The following SEC14L1 variants were observed in gnomAD, a reference collection of about 807,000 sequenced individuals.
The protein encoded by SEC14L1 is SEC14-like protein 1.
Under a neutral mutation model 85.3 loss-of-function variants are expected in SEC14L1, and 48 were observed. That is an observed-to-expected ratio of 0.56 (90% CI 0.45 to 0.72). The LOEUF (loss-of-function observed/expected upper bound fraction) is 0.72, where lower values mean the gene tolerates loss of function less well. SEC14L1 is among the 30% of genes least tolerant of loss of function. The pLI is 0.00. For missense variants in SEC14L1, 682 were observed against 921.4 expected, an observed-to-expected ratio of 0.74 and a Z score of 3.36; for synonymous variants, 391 against 355.5, an observed-to-expected ratio of 1.10 and a Z score of -1.12.
At chr17:77,180,351 C>G (rs1289941074) in intron 3 of SEC14L1, among the ~76,000 whole-genome samples, 1 of 152,110 alleles carries the variant, frequency 6.6e-6, no homozygotes. Context: ...CTTGGCCTCC[C>G]AAAGTGCTGG....
chr17:77,202,130 G>C (rs1316854150), intron 9 of SEC14L1, among the ~76,000 whole-genome samples: 1 of 151,586 alleles, frequency 6.6e-6, no homozygotes, highest in Non-Finnish European at 1.5e-5. Flanking sequence ...CATGATGATA[G>C]GGCAGTATGA....
rs1321557761 is a variant in SEC14L1 at position 77,214,135 on chromosome 17, T to C, written c.*112T>C. 7 of 1,476,968 alleles carry C rather than the reference T, an allele frequency of 4.7e-6. No homozygotes were observed. The highest frequency in any genetic ancestry group is 5.4e-6 in the Non-Finnish European group (6 of 1,116,516). The allele number at this position is 1,476,968 out of a possible 1,614,324, so 91.5% of individuals were successfully genotyped here. On this transcript the variant is annotated 3_prime_UTR_variant, in exon 17 of 17. Transcript: ENST00000436233. The stretch of plus-strand genomic sequence containing the variant: ...TGTACAGACTCCTCTCACCTCTAGA[T>C]AGCAAATAGCTCTCAGATGGTAAAC...
At chr17:77,203,951 G>A (rs1598396161) in intron 10 of SEC14L1, among the ~76,000 whole-genome samples, 1 of 151,930 alleles carries the variant, frequency 6.6e-6, no homozygotes, top group Non-Finnish European at 1.5e-5. Context: ...CTCTTGGGAC[G>A]CCACTCACAG....
chr17:77,174,682 G>T (rs1315732672), intron 3 of SEC14L1, among the ~76,000 whole-genome samples: 1 of 152,190 alleles, frequency 6.6e-6, no homozygotes, highest in Non-Finnish European at 1.5e-5. Flanking sequence ...CCTCACGAGT[G>T]AGGACTGGAG....
intron 3 of SEC14L1, among the ~76,000 whole-genome samples, chr17:77,150,494 G>A (rs1043217331): frequency 6.6e-6 from 1 of 152,182 alleles, no homozygotes; most frequent in African/African-American, 2.4e-5. Flanking sequence ...GATCAAATAG[G>A]CATTTATATT....
chr17:77,120,405 C>T (rs1176859666), intron 3 of SEC14L1, among the ~76,000 whole-genome samples: 4 of 151,812 alleles, frequency 2.6e-5, no homozygotes, highest in Non-Finnish European at 5.9e-5. Context: ...TGTGTGTCTG[C>T]GTGTTCTACT....
chr17:77,194,604 G>T, intron 6 of SEC14L1, 73 bp from the exon 7 acceptor site: 2 of 1,232,718 alleles, frequency 1.6e-6, no homozygotes, highest in Non-Finnish European at 2.3e-6. Flanking sequence ...TAGAAAAAAA[G>T]AAAAATCTTG....
intron 3 of SEC14L1, among the ~76,000 whole-genome samples, chr17:77,181,886 T>C (rs1340756673): frequency 6.6e-6 from 1 of 152,114 alleles, no homozygotes; most frequent in Non-Finnish European, 1.5e-5. Flanking sequence ...GGGACTTTGG[T>C]CAGTTTGCCA....
At chr17:77,089,208 C>G (rs1255045192) in exon 2 of SEC14L1, 16 of 341,104 alleles carry the variant, frequency 4.7e-5, no homozygotes, top group Non-Finnish European at 9.3e-5. Context: ...CATGCAGCAA[C>G]CACTATTTTC....
intron 3 of SEC14L1, among the ~76,000 whole-genome samples, chr17:77,158,881 G>A (rs1355592289): frequency 1.7e-5 from 2 of 116,658 alleles, no homozygotes; most frequent in African/African-American, 3.3e-5. Context: ...GCACGATCTC[G>A]ACTCACTGCA....
At chr17:77,127,727 T>A (rs554150612) in intron 3 of SEC14L1, 1 of 152,292 alleles carries the variant, frequency 6.6e-6, no homozygotes, top group Admixed American at 6.5e-5. Context: ...TAACCCCTGG[T>A]ACCTGTGAAG....
At chr17:77,104,298 A>G (rs1173118953) in intron 3 of SEC14L1, among the ~76,000 whole-genome samples, 1 of 149,204 alleles carries the variant, frequency 6.7e-6, no homozygotes, top group African/African-American at 2.5e-5. Flanking sequence ...TAATTTTTGT[A>G]TTTTTAGTAG....
chr17:77,164,093 C>G (rs1974184124), intron 3 of SEC14L1, among the ~76,000 whole-genome samples: 1 of 152,208 alleles, frequency 6.6e-6, no homozygotes, highest in South Asian at 2.1e-4. Context: ...TAGGCTCTTT[C>G]ATCCCACTTT....
chr17:77,165,362 T>C (rs1417612938), intron 3 of SEC14L1, among the ~76,000 whole-genome samples: 9 of 152,146 alleles, frequency 5.9e-5, no homozygotes, highest in Admixed American at 5.9e-4. Context: ...TTGGTTTTAC[T>C]TATTGTAGGG....
At chr17:77,140,558 T>C (rs948155970), upstream of SEC14L1, among the ~76,000 whole-genome samples, 4 of 152,106 alleles carry the variant, frequency 2.6e-5, no homozygotes, top group African/African-American at 9.7e-5. Context: ...CCCGGTGGTT[T>C]TGACCTCCCG....
rs753191916 is a variant in SEC14L1 at position 77,191,280 on chromosome 17, C to T, written c.313C>T (p.Arg105Trp). The T allele has an allele frequency of 1.9e-6, 3 of 1,614,038 alleles. No individual in the cohort carries two copies. Among genetic ancestry groups the T allele is most frequent in the Non-Finnish European group, 1.7e-6 (2 of 1,179,976 alleles). The change falls in exon 5 of 17, where the codon CGG becomes TGG. Residue 105 changes from arginine to tryptophan, a missense_variant. Transcript: ENST00000436233. Reference protein sequence around the residue: ...IEAYNETFSNRVIINEHCCYT... With the variant: ...IEAYNETFSNWVIINEHCCYT... The stretch of plus-strand genomic sequence containing the variant: ...GGCTTATAATGAAACGTTTTCCAAT[C>T]GGGTCATCATTAATGAGCATTGCTG...
intron 3 of SEC14L1, among the ~76,000 whole-genome samples, chr17:77,100,393 CTT>C (rs572735925): frequency 3.6e-5 from 2 of 56,060 alleles, no homozygotes; most frequent in Non-Finnish European, 3.9e-5. Context: ...CTGGCTTTTT[CTT>C]TTTTTTTTTT....
At chr17:77,200,761 G>A in intron 9 of SEC14L1, 88 bp downstream of exon 9, 3 of 1,379,742 alleles carry the variant, frequency 2.2e-6, no homozygotes, top group Non-Finnish European at 3.0e-6. Context: ...CTGGAGTTGA[G>A]TGGGGCCCCC....
chr17:77,194,898 GGGCACCCCTGACGGTGGGTCT>G lies in SEC14L1; in HGVS notation c.701_709+12del. 1 of 1,613,836 alleles carries G rather than the reference GGGCACCCCTGACGGTGGGTCT, an allele frequency of 6.2e-7. No individual in the cohort carries two copies. ...GCCCCAGCGCACCTGAGCCCGTGGT[GGGCACCCCTGACGGTGGGTCT>G]GGCAGGGGCTTCATCCCGAGAGCAA... On this transcript the variant is annotated splice_donor_variant and splice_donor_5th_base_variant and coding_sequence_variant and intron_variant, in exon 7 of 17. Transcript: ENST00000436233. LOFTEE classifies it high-confidence loss of function.
Sources: allele counts gnomAD v4.1 joint callset (sites outside exome capture counted in the v4.1 genomes callset), GRCh38; gene constraint gnomAD v4.1.1; transcripts MANE v1.5; gene names NCBI Gene and HGNC (gene_info 2026-07-23, HGNC 2026-07-21).